The following ERCC6L2 variants were observed in gnomAD, a reference collection of about 807,000 sequenced individuals.
The protein encoded by ERCC6L2 is DNA excision repair protein ERCC-6-like 2.
ERCC6L2 carries 77 observed loss-of-function variants against 132.0 expected under a neutral mutation model. The ratio of observed to expected loss-of-function variants is 0.58; its 90% CI spans 0.49 to 0.71. ERCC6L2 has a LOEUF of 0.71. Ranked by LOEUF, ERCC6L2 falls within the 30% of genes least tolerant of loss-of-function variation. The pLI, the probability that ERCC6L2 is intolerant of heterozygous loss-of-function variation, is 0.00. For missense variants in ERCC6L2, 1,542 were observed against 1,837.6 expected (o/e 0.84, Z 2.94); for synonymous variants, 583 against 632.4 (o/e 0.92, Z 1.17).
At chr9:95,907,407 G>A (rs868440300) in intron 4 of ERCC6L2, 136 bp downstream of exon 4, 39 of 663,280 alleles carry the variant, frequency 5.9e-5, no homozygotes, top group African/African-American at 4.2e-4. Context: ...GTTTCGCCAC[G>A]TTGCCCAGGC....
intron 6 of ERCC6L2, chr9:95,918,377 T>G: frequency 2.8e-6 from 1 of 360,838 alleles, no homozygotes; most frequent in Non-Finnish European, 5.5e-6. Flanking sequence ...GTGCACAGAT[T>G]TTATTTGAGT....
chr9:95,940,454 C>T (rs1431443168), intron 11 of ERCC6L2, among the ~76,000 whole-genome samples: 1 of 152,132 alleles, frequency 6.6e-6, no homozygotes, highest in East Asian at 1.9e-4. Flanking sequence ...ACTTTCTTCT[C>T]ACAGTTTTTT....
intron 19 of ERCC6L2, among the ~76,000 whole-genome samples, chr9:96,038,185 A>T (rs916266536): frequency 1.1e-4 from 17 of 152,032 alleles, no homozygotes; most frequent in East Asian, 5.8e-4. Flanking sequence ...TAGCTTTTTT[A>T]AAAAAAATAC....
At position 95,966,693 on chromosome 9, in the gene ERCC6L2, T is replaced by C; in HGVS notation, c.2079T>C (p.Cys693=). Residue 693 remains cysteine, a synonymous_variant, in exon 14 of 19, where the codon TGT becomes TGC. Transcript: ENST00000653738. ...NLFKFRSQGS[C]LTKDILEREG... ...TCAAATTTAGGTCCCAAGGGTCTTG[T>C]CTTACGAAGGACATCCTGGAGGTGT... 6.7e-7 allele frequency: 1 copy of C among 1,483,598 alleles called. No individual in the cohort carries two copies. The highest frequency in any genetic ancestry group is 1.5e-5 in the South Asian group (1 of 68,492). 91.9% of individuals were successfully genotyped at this position (1,483,598 alleles called of 1,614,324 possible).
At chr9:95,966,263 A>G (rs1184413747) in intron 13 of ERCC6L2, among the ~76,000 whole-genome samples, 1 of 152,242 alleles carries the variant, frequency 6.6e-6, no homozygotes, top group Non-Finnish European at 1.5e-5. Flanking sequence ...ATTCAAATGT[A>G]TGCTTTTATT....
rs142331890 is a variant in ERCC6L2 at position 96,013,172 on chromosome 9, A to G, written c.4622A>G (p.Glu1541Gly). Reference protein sequence around the residue: ...WKKFSPSDTDENATNTQSTT With the variant: ...WKKFSPSDTDGNATNTQSTT ...AAATTTAGCCCAAGTGATACAGATG[A>G]AAACGCAACCAATACACAGAGTACC... is the stretch of plus-strand genomic sequence containing the variant. The change falls in exon 19 of 19, where the codon GAA becomes GGA. Residue 1541 changes from glutamate to glycine, a missense_variant. Physicochemically the swap from Glu to Gly is moderately conservative, Grantham distance 98. Transcript: ENST00000653738. 5.1e-5 allele frequency: 69 copies of G among 1,365,904 alleles called. 1 individual carries two copies. In the African/African-American group the frequency reaches 8.7e-4, roughly 17 times the overall value. 84.6% of individuals were successfully genotyped at this position (1,365,904 alleles called of 1,614,324 possible).
intron 18 of ERCC6L2, 93 bp from the exon 19 acceptor site, chr9:96,012,132 C>T (rs911017180): frequency 8.3e-6 from 7 of 842,796 alleles, no homozygotes; most frequent in Non-Finnish European, 9.6e-6. Flanking sequence ...AGATTACCTT[C>T]TGTGGACTCT....
At chr9:95,915,863 TA>T (rs748064970) in intron 5 of ERCC6L2, 34 bp downstream of exon 5, 24 of 1,556,946 alleles carry the variant, frequency 1.5e-5, no homozygotes, top group Non-Finnish European at 3.5e-6. Context: ...AATTGTTTAA[TA>T]GTTCTTCAGC....
At chr9:95,942,962 C>G (rs1388998408) in intron 12 of ERCC6L2, among the ~76,000 whole-genome samples, 1 of 152,054 alleles carries the variant, frequency 6.6e-6, no homozygotes, top group East Asian at 1.9e-4. Flanking sequence ...AAATGAGAAT[C>G]AGACTCAATT....
intron 17 of ERCC6L2, among the ~76,000 whole-genome samples, chr9:95,995,675 C>CA (rs1833447100): frequency 6.6e-6 from 1 of 152,134 alleles, no homozygotes; most frequent in Admixed American, 6.5e-5. Context: ...AATATGTGCT[C>CA]ACTTTGTGTC....
At chr9:95,901,614 T>A (rs1162407775) in intron 3 of ERCC6L2, among the ~76,000 whole-genome samples, 4 of 152,184 alleles carry the variant, frequency 2.6e-5, no homozygotes, top group African/African-American at 9.6e-5. Flanking sequence ...GAGTTTTTGC[T>A]TTCAGAGGTG....
At position 95,978,149 on chromosome 9, in the gene ERCC6L2, A is replaced by C. The variant is rs774403124; in HGVS notation, c.3426A>C (p.Ala1142=). 162 of 1,367,346 alleles carry C rather than the reference A, an allele frequency of 1.2e-4. No homozygotes were observed. Among genetic ancestry groups the C allele is most frequent in the Non-Finnish European group, 1.6e-4 (161 of 1,021,796 alleles). 84.7% of individuals were successfully genotyped at this position (1,367,346 alleles called of 1,614,324 possible). Residue 1142 remains alanine (A), a synonymous_variant, in exon 17 of 19, where the codon GCA becomes GCC. Coordinates refer to ENST00000653738, the MANE Select transcript of ERCC6L2 (RefSeq NM_020207.7). ...KAENHMSRWA[A]HDVFELKQFS... Reference sequence around the variant, plus strand: ...AAAATCACATGAGCCGATGGGCAGCACATGACGTATTTGAGTTGAAGCAGT... The same window carrying C: ...AAAATCACATGAGCCGATGGGCAGCCCATGACGTATTTGAGTTGAAGCAGT...
chr9:95,885,830 A>G (rs151220680), intron 2 of ERCC6L2, among the ~76,000 whole-genome samples: 1 of 151,934 alleles, frequency 6.6e-6, no homozygotes, highest in African/African-American at 2.4e-5. Context: ...ACTCGGTGGG[A>G]GTAGGAGAGG....
At chr9:95,960,434 A>G (rs1236822476) in intron 13 of ERCC6L2, among the ~76,000 whole-genome samples, 1 of 152,182 alleles carries the variant, frequency 6.6e-6, no homozygotes, top group Non-Finnish European at 1.5e-5. Flanking sequence ...TGATTAAATT[A>G]TGGGTCTTGA....
At chr9:95,885,246 A>G (rs1827801639) in intron 2 of ERCC6L2, among the ~76,000 whole-genome samples, 1 of 152,240 alleles carries the variant, frequency 6.6e-6, no homozygotes, top group African/African-American at 2.4e-5. Context: ...TTCATTATAC[A>G]TGGTTTTGTA....
chr9:95,943,132 A>G (rs759436096), intron 12 of ERCC6L2, among the ~76,000 whole-genome samples: 1 of 152,178 alleles, frequency 6.6e-6, no homozygotes, highest in Non-Finnish European at 1.5e-5. Flanking sequence ...AGTCTAAAAA[A>G]TTACTGGGAG....
At position 95,893,781 on chromosome 9, in the gene ERCC6L2, A is replaced by G. The variant is rs181917777; in HGVS notation, c.472-4068A>G. On this transcript the variant is annotated intron_variant, in intron 2 of 18. Coordinates refer to ENST00000653738, the MANE Select transcript of ERCC6L2 (RefSeq NM_020207.7). The stretch of plus-strand genomic sequence containing the variant: ...CCTTTTCTCTATTTTTTCTTCATCA[A>G]TTTTGCCAGGGGTTTATTGAAAAAA... 1.4e-4 allele frequency among the ~76,000 whole-genome samples: 22 copies of G among 152,038 alleles called. No homozygotes were observed. In the East Asian group the frequency reaches 2.7e-3, roughly 19 times the overall value.
intron 17 of ERCC6L2, among the ~76,000 whole-genome samples, chr9:96,001,306 C>A (rs1461033671): frequency 6.6e-6 from 1 of 152,186 alleles, no homozygotes; most frequent in Non-Finnish European, 1.5e-5. Context: ...ATTCTCTTAT[C>A]TGGCCCCACC....
chr9:95,928,325 C>G lies in ERCC6L2; in HGVS notation c.1605+175C>G, dbSNP rs901396095. The G allele has an allele frequency of 1.5e-5, 7 of 476,084 alleles. No individual in the cohort carries two copies. The Middle Eastern group carries it at 2.0e-3, about 135-fold the overall frequency. 29.5% of individuals were successfully genotyped at this position (476,084 alleles called of 1,614,324 possible). ...ACAGACACTAAAATTTCAATTGTTT[C>G]AGGGTTGCTAAATATCAAACTCAAA... On this transcript the variant is annotated intron_variant, in intron 10 of 18. Transcript: ENST00000653738.
Sources: allele counts gnomAD v4.1 joint callset (sites outside exome capture counted in the v4.1 genomes callset), GRCh38; gene constraint gnomAD v4.1.1; transcripts MANE v1.5; gene names NCBI Gene and HGNC (gene_info 2026-07-23, HGNC 2026-07-21).